The following OTUD7A variants were observed in gnomAD, a reference collection of about 807,000 sequenced individuals.
OTUD7A encodes OTU deubiquitinase 7A, also known as OTU domain-containing protein 7A.
A neutral mutation model predicts 65.7 loss-of-function variants in OTUD7A; 12 were observed. The observed-to-expected ratio is 0.18, with a 90% CI of 0.12 to 0.30. The LOEUF is 0.30. OTUD7A is among the 10% of genes least tolerant of loss of function. The probability of loss-of-function intolerance (pLI) is 1.00; values close to 1 mark genes in which losing one functional copy is unlikely to be tolerated. For synonymous variants in OTUD7A, 641 were observed against 586.3 expected, an observed-to-expected ratio of 1.09 and a Z score of -1.35; for missense variants, 1,148 against 1,304.8, an observed-to-expected ratio of 0.88 and a Z score of 1.85.
chr15:31,602,261 C>A lies in OTUD7A; in HGVS notation c.152-32064G>T, dbSNP rs191323202. On this transcript the variant is annotated intron_variant, in intron 3 of 12. Coordinates refer to ENST00000307050, the MANE Select transcript of OTUD7A (RefSeq NM_001382637.1). ...CATCAAAAAGCTTATCCACCATGAT[C>A]AAGTGGGCTTCATCCCTGGGATGCA... is the stretch of plus-strand genomic sequence containing the variant. Among the ~76,000 whole-genome samples the A allele has an allele frequency of 1.6e-4, 24 of 152,300 alleles. 1 individual carries two copies. In the East Asian group the frequency reaches 4.6e-3, roughly 29 times the overall value.
intron 3 of OTUD7A, among the ~76,000 whole-genome samples, chr15:31,652,099 C>T (rs539380482): frequency 1.3e-5 from 2 of 151,032 alleles, no homozygotes; most frequent in African/African-American, 4.9e-5. Flanking sequence ...TACAAAGCTA[C>T]AGAAATCAAT....
chr15:31,581,423 G>A (rs1010329647), intron 3 of OTUD7A, among the ~76,000 whole-genome samples: 3 of 152,232 alleles, frequency 2.0e-5, no homozygotes, highest in Admixed American at 2.0e-4. Context: ...CTGTGTAGGG[G>A]CTCCCATCCC....
chr15:31,777,308 T>A (rs534913362), intron 1 of OTUD7A, among the ~76,000 whole-genome samples: 93 of 152,286 alleles, frequency 6.1e-4, no homozygotes, highest in Middle Eastern at 3.4e-3. Flanking sequence ...CCCAATCCCA[T>A]CACCTTGGGG....
chr15:31,526,185 C>T (rs78559045), intron 8 of OTUD7A, among the ~76,000 whole-genome samples, 164 bp downstream of exon 8: 4,874 of 152,310 alleles, frequency 0.032, 104 homozygotes, highest in Middle Eastern at 0.085. Context: ...ACGGTCCTCC[C>T]GTGCGTCCTT....
At chr15:31,518,179 AAAGT>A (rs1412368670) in intron 8 of OTUD7A, among the ~76,000 whole-genome samples, 2 of 152,154 alleles carry the variant, frequency 1.3e-5, no homozygotes, top group Non-Finnish European at 2.9e-5. Flanking sequence ...TTCCATAAAA[AAAGT>A]AAGTGCAAGG....
intron 1 of OTUD7A, among the ~76,000 whole-genome samples, chr15:31,769,333 C>G (rs1272084619): frequency 6.6e-6 from 1 of 152,136 alleles, no homozygotes; most frequent in African/African-American, 2.4e-5. Flanking sequence ...AAAACAATCC[C>G]AAATGTGTAT....
chr15:31,569,145 C>A (rs1207517086), intron 4 of OTUD7A, among the ~76,000 whole-genome samples: 2 of 152,146 alleles, frequency 1.3e-5, no homozygotes, highest in Non-Finnish European at 2.9e-5. Flanking sequence ...AATTATTAAG[C>A]TAGAAACACA....
At chr15:31,841,360 G>A (rs984736442) in intron 1 of OTUD7A, among the ~76,000 whole-genome samples, 1 of 152,188 alleles carries the variant, frequency 6.6e-6, no homozygotes. Flanking sequence ...AATGGTGGAT[G>A]TCCTCAGCGT....
chr15:31,680,808 G>C (rs1450650104), intron 1 of OTUD7A, among the ~76,000 whole-genome samples: 1 of 152,132 alleles, frequency 6.6e-6, no homozygotes, highest in Non-Finnish European at 1.5e-5. Context: ...ATGTGGGCTG[G>C]AGAATCCATG....
intron 8 of OTUD7A, among the ~76,000 whole-genome samples, chr15:31,505,653 A>G (rs370666981): frequency 1.3e-5 from 2 of 152,290 alleles, no homozygotes; most frequent in East Asian, 3.9e-4. Flanking sequence ...TAAGAGTGGT[A>G]GAGATAAGTT....
At chr15:31,521,837 C>T (rs992138066) in intron 8 of OTUD7A, among the ~76,000 whole-genome samples, 1 of 152,216 alleles carries the variant, frequency 6.6e-6, no homozygotes, top group African/African-American at 2.4e-5. Context: ...AGAGGGTCCC[C>T]CAAACGGTCC....
intron 1 of OTUD7A, among the ~76,000 whole-genome samples, chr15:31,860,677 G>GTGTATATATATATTTA (rs560896384): frequency 1.4e-5 from 1 of 73,284 alleles, no homozygotes; most frequent in African/African-American, 4.6e-5. Flanking sequence ...ATGTATGTGT[G>GTGTATATATATATTTA]TATATATATA....
At chr15:31,679,055 G>A (rs1892655400) in intron 1 of OTUD7A, among the ~76,000 whole-genome samples, 1 of 152,230 alleles carries the variant, frequency 6.6e-6, no homozygotes, top group Non-Finnish European at 1.5e-5. Context: ...GAGACATGGA[G>A]TCAGAGGAGA....
intron 1 of OTUD7A, among the ~76,000 whole-genome samples, chr15:31,732,713 C>A (rs1026769028): frequency 3.3e-5 from 5 of 152,190 alleles, no homozygotes; most frequent in African/African-American, 1.2e-4. Flanking sequence ...AAGACAGATT[C>A]ACACTGTGGA....
chr15:31,484,472 G>A lies in OTUD7A; in HGVS notation c.1624C>T (p.Leu542Phe), dbSNP rs991492547. 4 of 1,606,538 alleles carry A rather than the reference G, an allele frequency of 2.5e-6. No homozygotes were observed. Among genetic ancestry groups the A allele is most frequent in the Non-Finnish European group, 3.4e-6 (4 of 1,179,946 alleles). ...GIKLKKNMGGLGGLVHGKMGR... is the reference protein window; with the variant it reads ...GIKLKKNMGGFGGLVHGKMGR... ...ATCTTGCCGTGCACCAGGCCGCCGAGGCCGCCCATGTTTTTCTTCAGCTTG... is the reference window on the plus strand; with the variant it reads ...ATCTTGCCGTGCACCAGGCCGCCGAAGCCGCCCATGTTTTTCTTCAGCTTG... Residue 542 changes from leucine (L) to phenylalanine (F), a missense_variant, in exon 13 of 13, where the codon CTC becomes TTC. Physicochemically the swap from Leu to Phe is conservative, Grantham distance 22 (BLOSUM62 0). Around this residue, in one of 6 missense-constraint regions of OTUD7A, gnomAD observed 842 missense variants for 769.5 expected, o/e 1.09. Transcript: ENST00000307050. The surrounding 1 kb of genome is among the most constrained non-coding windows in gnomAD (Gnocchi z 4.5).
intron 5 of OTUD7A, among the ~76,000 whole-genome samples, chr15:31,549,424 C>A (rs1888246864): frequency 6.6e-6 from 1 of 152,226 alleles, no homozygotes; most frequent in South Asian, 2.1e-4. Context: ...TGTGTCATCC[C>A]TTTCCCTTGG....
intron 3 of OTUD7A, among the ~76,000 whole-genome samples, chr15:31,601,012 G>C (rs903870279): frequency 1.3e-5 from 2 of 152,152 alleles, no homozygotes; most frequent in African/African-American, 4.8e-5. Flanking sequence ...ATAACAGTGG[G>C]AGACCTTAAC....
At chr15:31,760,910 G>GT (rs949140802) in intron 1 of OTUD7A, among the ~76,000 whole-genome samples, 2 of 151,940 alleles carry the variant, frequency 1.3e-5, no homozygotes, top group African/African-American at 2.4e-5. Context: ...GAAAGAACAG[G>GT]TTTTTTTGGG....
chr15:31,690,927 G>A (rs971134278), intron 1 of OTUD7A, among the ~76,000 whole-genome samples: 1 of 152,128 alleles, frequency 6.6e-6, no homozygotes, highest in Non-Finnish European at 1.5e-5. Context: ...AGGAAAAATA[G>A]ATAAAATGGA....
Sources: gnomAD v4.1 joint callset for allele counts (sites outside exome capture counted in the v4.1 genomes callset) on GRCh38, gnomAD v4.1.1 for gene constraint, gnomAD v4.1.1 regional missense constraint, Gnocchi (gnomAD v3.1) non-coding constraint, MANE v1.5 for transcripts, NCBI Gene and HGNC (gene_info 2026-07-23, HGNC 2026-07-21) for gene names.